SLC41A1: variants seen among roughly 807,000 people sequenced by gnomAD.
SLC41A1 encodes the protein solute carrier family 41 member 1.
In SLC41A1, 20 loss-of-function variants were observed where a neutral mutation model predicts 47.3. That is an observed-to-expected ratio of 0.42 (90% CI 0.30 to 0.61). SLC41A1 has a LOEUF of 0.61. Among genes scored for constraint, SLC41A1 ranks in the 20% least tolerant of loss-of-function variants. The probability of loss-of-function intolerance (pLI) is 0.17; values close to 1 mark genes in which losing one functional copy is unlikely to be tolerated. For missense variants in SLC41A1, 504 were observed against 674.1 expected, an observed-to-expected ratio of 0.75 and a Z score of 2.79; for synonymous variants, 282 against 272.7, an observed-to-expected ratio of 1.03 and a Z score of -0.34.
chr1:205,791,851 T>C lies in SLC41A1; in HGVS notation c.1357-133A>G, dbSNP rs1655635732. 1 of 1,146,768 alleles carries C rather than the reference T, an allele frequency of 8.7e-7. No individual in the cohort carries two copies. The highest frequency in any genetic ancestry group is 2.0e-5 in the Admixed American group (1 of 49,642). 71.0% of individuals were successfully genotyped at this position (1,146,768 alleles called of 1,614,324 possible). ...ATCCTTACTTTTTAATCTTCCTCTT[T>C]CCACCCCAGCAACCTCTCTGTGTTT... On this transcript the variant is annotated intron_variant, in intron 10 of 10. Coordinates refer to ENST00000367137, the MANE Select transcript of SLC41A1 (RefSeq NM_173854.6). This position sits in a 1 kb window ranked among gnomAD's most constrained non-coding sequence, Gnocchi z 4.0.
intron 2 of SLC41A1, among the ~76,000 whole-genome samples, chr1:205,809,194 A>G (rs766712206): frequency 1.3e-5 from 2 of 152,206 alleles, no homozygotes; most frequent in Non-Finnish European, 2.9e-5. Context: ...TGCCTAAAAA[A>G]CTTTTATCTA....
chr1:205,813,110 C>T lies in SLC41A1; in HGVS notation c.-949G>A, dbSNP rs1451675680. ...GGCACCCGGACGGGGGACCGGGGAG[C>T]CGAGCTCACGCGCCCCCAATCGCTT... On this transcript the variant is annotated 5_prime_UTR_variant, in exon 1 of 11. Transcript: ENST00000367137. 2.0e-6 allele frequency: 2 copies of T among 985,528 alleles called. No homozygotes were observed. The highest frequency in any genetic ancestry group is 1.7e-5 in the African/African-American group (1 of 57,372). 61.0% of individuals were successfully genotyped at this position (985,528 alleles called of 1,614,324 possible).
At chr1:205,802,709 ACT>A (rs908454148) in intron 2 of SLC41A1, among the ~76,000 whole-genome samples, 18 of 114,568 alleles carry the variant, frequency 1.6e-4, no homozygotes, top group Admixed American at 8.1e-4. Flanking sequence ...TAAGAGTGAA[ACT>A]CTGTCTCAAA....
At chr1:205,811,786 G>C (rs1656162245) in intron 1 of SLC41A1, among the ~76,000 whole-genome samples, 1 of 152,190 alleles carries the variant, frequency 6.6e-6, no homozygotes, top group African/African-American at 2.4e-5. Context: ...AGCTGACTCG[G>C]ATCCAGGCCT....
At chr1:205,807,577 A>C (rs1300648441) in intron 2 of SLC41A1, among the ~76,000 whole-genome samples, 6 of 151,484 alleles carry the variant, frequency 4.0e-5, no homozygotes, top group Admixed American at 3.9e-4. Flanking sequence ...TCAGAAGATA[A>C]CGCTAATTAA....
chr1:205,813,009 C>A lies in SLC41A1; in HGVS notation c.-848G>T. On this transcript the variant is annotated 5_prime_UTR_variant, in exon 1 of 11. Transcript: ENST00000367137. Reference sequence around the variant, plus strand: ...GCTACATTTCGCTTCTGCGTTACAGCGAGGCCGCCGCTCCGCTTCCACGCG... The same window carrying A: ...GCTACATTTCGCTTCTGCGTTACAGAGAGGCCGCCGCTCCGCTTCCACGCG... 1.0e-6 allele frequency: 1 copy of A among 985,544 alleles called. No homozygotes were observed. The highest frequency in any genetic ancestry group is 4.7e-5 in the South Asian group (1 of 21,292). The allele number at this position is 985,544 out of a possible 1,614,324, so 61.0% of individuals were successfully genotyped here.
chr1:205,789,337 C>A lies in SLC41A1; in HGVS notation c.*2196G>T, dbSNP rs965233673. 6.6e-6 allele frequency: 1 copy of A among 152,218 alleles called. No individual in the cohort carries two copies. Among genetic ancestry groups the A allele is most frequent in the African/African-American group, 2.4e-5 (1 of 41,462 alleles). The allele number at this position is 152,218 out of a possible 1,614,324, so 9.4% of individuals were successfully genotyped here. On this transcript the variant is annotated 3_prime_UTR_variant, in exon 11 of 11. Transcript: ENST00000367137. ...TTCATTTTCTTTCCCTCTCACCCTA[C>A]AGTCCTCCTCTGCTCACTCAGGGCC...
intron 2 of SLC41A1, chr1:205,801,268 C>T: frequency 1.8e-6 from 1 of 541,012 alleles, no homozygotes. Context: ...CACCCAGAAC[C>T]AGGGAGATGG....
At position 205,795,375 on chromosome 1, in the gene SLC41A1, A is replaced by G. The variant is rs1655723234; in HGVS notation, c.1176T>C (p.Cys392=). The change falls in exon 9 of 11, where the codon TGT becomes TGC. Residue 392 remains cysteine (C), a synonymous_variant. Coordinates refer to ENST00000367137, the MANE Select transcript of SLC41A1 (RefSeq NM_173854.6). The part of the protein sequence containing the change: ...GENSEQAPRR[C]PSPCTTFFSP... ...TGAAGAAGGTGGTACAAGGACTGGG[A>G]CAGCGGCGAGGAGCTTGCTCAGAGT... 2 of 1,614,080 alleles carry G rather than the reference A, an allele frequency of 1.2e-6. No homozygotes were observed. Among genetic ancestry groups the G allele is most frequent in the Non-Finnish European group, 1.7e-6 (2 of 1,180,038 alleles).
intron 8 of SLC41A1, chr1:205,795,755 C>A: frequency 1.9e-6 from 1 of 535,688 alleles, no homozygotes; most frequent in South Asian, 2.0e-5. Flanking sequence ...AAAGCTGTGA[C>A]AGTGCCGGAA....
intron 2 of SLC41A1, among the ~76,000 whole-genome samples, chr1:205,808,018 C>G (rs61822600): frequency 6.6e-6 from 1 of 151,540 alleles, no homozygotes; most frequent in Non-Finnish European, 1.5e-5. Flanking sequence ...AGCAGTGGCA[C>G]GATCTTGGCT....
At chr1:205,793,081 T>A (rs1655661092) in intron 10 of SLC41A1, among the ~76,000 whole-genome samples, 1 of 152,166 alleles carries the variant, frequency 6.6e-6, no homozygotes, top group Non-Finnish European at 1.5e-5. Context: ...CTACCTTCCA[T>A]AACTTCACAC....
rs1481632708 is a variant in SLC41A1, at chr1:205,796,914, C to T, written c.1072+10G>A. The T allele has an allele frequency of 6.2e-7, 1 of 1,611,024 alleles. No homozygotes were observed. Among genetic ancestry groups the T allele is most frequent in the African/African-American group, 1.3e-5 (1 of 74,888 alleles). On this transcript the variant is annotated intron_variant, in intron 8 of 10. Coordinates refer to ENST00000367137, the MANE Select transcript of SLC41A1 (RefSeq NM_173854.6). ...GCCCTGCCCTCTGATAGCTGATGCC[C>T]AGACCTCACCATTAATCACAGGCGT...
At chr1:205,800,034 G>T (rs934002195) in intron 3 of SLC41A1, among the ~76,000 whole-genome samples, 1 of 152,178 alleles carries the variant, frequency 6.6e-6, no homozygotes, top group Non-Finnish European at 1.5e-5. Flanking sequence ...GCAGCTGGGT[G>T]GGGGGTTGGA....
At position 205,799,763 on chromosome 1, in the gene SLC41A1, A is replaced by G. The variant is rs1264741003; in HGVS notation, c.548T>C (p.Ile183Thr). Residue 183 changes from isoleucine (I) to threonine (T), a missense_variant, in exon 4 of 11, where the codon ATC becomes ACC. This residue lies in a region of SLC41A1 where 421 missense variants were observed against 601.6 expected (regional missense o/e 0.70). Transcript: ENST00000367137. ...CTCTGGTCCCTGCCTTCTTACCTGG[A>G]TGAGGGCCATGTTCCCAGTGATCAT... The part of the protein sequence containing the change: ...WRMITGNMAL[I>T]QVQATVVGFL... 6.2e-7 allele frequency: 1 copy of G among 1,614,060 alleles called. No homozygotes were observed. The highest frequency in any genetic ancestry group is 8.5e-7 in the Non-Finnish European group (1 of 1,179,980).
Position 205,799,829 on chromosome 1 carries a change from G to A in SLC41A1, c.482C>T (p.Ala161Val), listed in dbSNP as rs773074552. 2 of 1,613,910 alleles carry A rather than the reference G, an allele frequency of 1.2e-6. No individual in the cohort carries two copies. Among genetic ancestry groups the A allele is most frequent in the Admixed American group, 3.3e-5 (2 of 59,994 alleles). The change falls in exon 4 of 11, where the codon GCC (alanine) becomes GTC (valine). Residue 161 changes from alanine (A) to valine (V), a missense_variant and splice_region_variant. Around this residue, in one of 2 missense-constraint regions of SLC41A1, gnomAD observed 421 missense variants for 601.6 expected, o/e 0.70. Transcript: ENST00000367137. ...MTLASRLSTA[A>V]NIGHMDTPKE... ...GGGTGTGTCCATGTGTCCAATGTTGGCCTGGGAAAGGGAGGGCAAGGGGCT... is the reference window on the plus strand; with the variant it reads ...GGGTGTGTCCATGTGTCCAATGTTGACCTGGGAAAGGGAGGGCAAGGGGCT...
At position 205,791,757 on chromosome 1, in the gene SLC41A1, C is replaced by T. The variant is rs764913713; in HGVS notation, c.1357-39G>A. On this transcript the variant is annotated intron_variant, in intron 10 of 10. Transcript: ENST00000367137. This position sits in a 1 kb window ranked among gnomAD's most constrained non-coding sequence, Gnocchi z 4.0. ...AGGGCCCAGCCTATAGCCATCCTCT[C>T]TCTCCAGGGGGAGCCAGAGGCCACA... is the stretch of plus-strand genomic sequence containing the variant. 1.9e-6 allele frequency: 3 copies of T among 1,608,230 alleles called. No individual in the cohort carries two copies. Among genetic ancestry groups the T allele is most frequent in the Non-Finnish European group, 2.5e-6 (3 of 1,177,946 alleles).
chr1:205,803,316 G>A (rs1655933384), intron 2 of SLC41A1, among the ~76,000 whole-genome samples: 1 of 152,156 alleles, frequency 6.6e-6, no homozygotes, highest in African/African-American at 2.4e-5. Flanking sequence ...CCCACTTCTG[G>A]ATATTTATCC....
intron 7 of SLC41A1, 83 bp downstream of exon 7, chr1:205,797,821 C>T (rs1286498173): frequency 1.3e-6 from 2 of 1,562,770 alleles, no homozygotes; most frequent in Non-Finnish European, 1.8e-6. Context: ...GTCTGACCCC[C>T]ACCCCATCTC....
Sources: gnomAD v4.1 joint callset for allele counts (sites outside exome capture counted in the v4.1 genomes callset) on GRCh38, gnomAD v4.1.1 for gene constraint, gnomAD v4.1.1 regional missense constraint, Gnocchi (gnomAD v3.1) non-coding constraint, MANE v1.5 for transcripts, NCBI Gene and HGNC (gene_info 2026-07-23, HGNC 2026-07-21) for gene names.